The following CFAP299 variants were observed in gnomAD, a reference collection of about 807,000 sequenced individuals.
CFAP299 encodes the protein cilia- and flagella-associated protein 299.
CFAP299 carries 21 observed loss-of-function variants against 27.0 expected under a neutral mutation model. The observed-to-expected ratio is 0.78, with a 90% CI of 0.55 to 1.12. The LOEUF is 1.12. CFAP299 is among the 50% of genes most tolerant of loss of function. The probability of loss-of-function intolerance (pLI) is 0.00; values close to 1 mark genes in which losing one functional copy is unlikely to be tolerated. For synonymous variants in CFAP299, 104 were observed against 98.1 expected (o/e 1.06, Z -0.36); for missense variants, 310 against 276.6 (o/e 1.12, Z -0.86).
At chr4:80,390,489 C>CTA (rs1331155772) in intron 2 of CFAP299, among the ~76,000 whole-genome samples, 3 of 132,916 alleles carry the variant, frequency 2.3e-5, no homozygotes, top group Admixed American at 7.9e-5. Context: ...CTCTCTCTCT[C>CTA]TCTATATATA....
intron 3 of CFAP299, among the ~76,000 whole-genome samples, chr4:80,857,508 T>G (rs1731990801): frequency 6.6e-6 from 1 of 152,162 alleles, no homozygotes; most frequent in East Asian, 1.9e-4. Flanking sequence ...ATGCTTCCAG[T>G]TTTTGCCCAT....
chr4:80,454,992 TG>T (rs1729077590), intron 2 of CFAP299, among the ~76,000 whole-genome samples: 1 of 152,160 alleles, frequency 6.6e-6, no homozygotes, highest in Non-Finnish European at 1.5e-5. Context: ...TTTATTGATC[TG>T]GGTGACACTA....
intron 4 of CFAP299, among the ~76,000 whole-genome samples, chr4:80,942,807 T>A (rs1180034830): frequency 6.6e-6 from 1 of 152,228 alleles, no homozygotes; most frequent in Non-Finnish European, 1.5e-5. Flanking sequence ...GGAGAATATA[T>A]GTACAGTTGA....
chr4:80,701,086 A>T, intron 3 of CFAP299, among the ~76,000 whole-genome samples: 1 of 152,056 alleles, frequency 6.6e-6, no homozygotes, highest in Middle Eastern at 3.2e-3. Flanking sequence ...TCATATTTTT[A>T]AGCACTGTGC....
the CFAP299 span, among the ~76,000 whole-genome samples, chr4:80,325,724 T>C: frequency 9.8e-5 from 15 of 152,346 alleles, no homozygotes; most frequent in South Asian, 3.1e-3. Flanking sequence ...CATCCAGGCA[T>C]ATATTCTGGA....
At chr4:80,447,536 G>T (rs548512073) in intron 2 of CFAP299, among the ~76,000 whole-genome samples, 1 of 151,932 alleles carries the variant, frequency 6.6e-6, no homozygotes, top group African/African-American at 2.4e-5. Context: ...GGATTCAAGC[G>T]GTTCTCCTGC....
intron 2 of CFAP299, among the ~76,000 whole-genome samples, chr4:80,401,977 T>C (rs1726185691): frequency 6.6e-6 from 1 of 152,182 alleles, no homozygotes; most frequent in Non-Finnish European, 1.5e-5. Context: ...AAAATTTGAC[T>C]GCCCCACTGG....
intron 2 of CFAP299, among the ~76,000 whole-genome samples, chr4:80,489,045 A>G (rs1397200444): frequency 6.6e-6 from 1 of 152,170 alleles, no homozygotes; most frequent in East Asian, 1.9e-4. Flanking sequence ...CCTTGTCCTT[A>G]AGAGAAATAA....
intron 2 of CFAP299, among the ~76,000 whole-genome samples, chr4:80,503,638 G>A (rs1731847641): frequency 6.6e-6 from 1 of 151,994 alleles, no homozygotes; most frequent in South Asian, 2.1e-4. Flanking sequence ...GGGTCAAAAG[G>A]CCTAGAACGG....
At chr4:80,459,300 T>C (rs975740466) in intron 2 of CFAP299, among the ~76,000 whole-genome samples, 5 of 152,170 alleles carry the variant, frequency 3.3e-5, no homozygotes, top group Non-Finnish European at 7.4e-5. Flanking sequence ...AGGCTTCTTA[T>C]GAAGACAAAC....
chr4:80,429,847 T>TA (rs751191384), intron 2 of CFAP299, among the ~76,000 whole-genome samples: 31 of 151,160 alleles, frequency 2.1e-4, no homozygotes, highest in Non-Finnish European at 3.1e-4. Flanking sequence ...ATGTCATTGT[T>TA]AAAAAAAAAT....
intron 3 of CFAP299, among the ~76,000 whole-genome samples, chr4:80,838,481 G>T (rs1327182316): frequency 6.6e-6 from 1 of 151,948 alleles, no homozygotes; most frequent in African/African-American, 2.4e-5. Context: ...TCTGCATATG[G>T]CTTGCCCATT....
At chr4:80,696,209 G>A (rs1045535101) in intron 3 of CFAP299, among the ~76,000 whole-genome samples, 1 of 151,642 alleles carries the variant, frequency 6.6e-6, no homozygotes, top group African/African-American at 2.4e-5. Flanking sequence ...GCTGAGGCAG[G>A]AGAATTGCTT....
chr4:80,325,525 A>G, the CFAP299 span, among the ~76,000 whole-genome samples: 2 of 152,254 alleles, frequency 1.3e-5, no homozygotes, highest in Non-Finnish European at 2.9e-5. Flanking sequence ...CTGGTGGTAC[A>G]TAAGTTTATT....
intron 1 of CFAP299, among the ~76,000 whole-genome samples, chr4:80,352,815 C>T (rs748176712): frequency 5.3e-5 from 8 of 151,626 alleles, no homozygotes; most frequent in South Asian, 2.1e-4. Context: ...TTCTAAATAA[C>T]GCAATGTCAA....
At chr4:80,825,485 C>A (rs1174776056) in intron 3 of CFAP299, among the ~76,000 whole-genome samples, 1 of 151,898 alleles carries the variant, frequency 6.6e-6, no homozygotes, top group African/African-American at 2.4e-5. Flanking sequence ...TTATAAAATT[C>A]TTAAAACAAC....
chr4:80,476,960 C>CGT (rs34671713), intron 2 of CFAP299, among the ~76,000 whole-genome samples: 5,049 of 106,638 alleles, frequency 0.047, 196 homozygotes, highest in African/African-American at 0.12. Flanking sequence ...TGTGCGCATG[C>CGT]GTGTGTGTGT....
At chr4:80,801,850 C>G (rs1218007312) in intron 3 of CFAP299, among the ~76,000 whole-genome samples, 1 of 152,146 alleles carries the variant, frequency 6.6e-6, no homozygotes, top group Non-Finnish European at 1.5e-5. Flanking sequence ...CCAACGCACT[C>G]TGCTTTCTCA....
chr4:80,748,136 C>T (rs530850707), intron 3 of CFAP299, among the ~76,000 whole-genome samples: 1 of 152,180 alleles, frequency 6.6e-6, no homozygotes, highest in South Asian at 2.1e-4. Context: ...TTATGCCCAC[C>T]TTTTCTTTAG....
Sources: allele counts gnomAD v4.1 joint callset (sites outside exome capture counted in the v4.1 genomes callset), GRCh38; gene constraint gnomAD v4.1.1; transcripts MANE v1.5; gene names NCBI Gene and HGNC (gene_info 2026-07-23, HGNC 2026-07-21).